Variants in NXPH2 observed in about 807,000 individuals in gnomAD.
NXPH2 encodes the protein neurexophilin 2.
NXPH2 carries 5 observed loss-of-function variants against 19.8 expected under a neutral mutation model. That is an observed-to-expected ratio of 0.25 (90% CI 0.13 to 0.53). The LOEUF (loss-of-function observed/expected upper bound fraction) is 0.53. Among genes scored for constraint, NXPH2 ranks in the 20% least tolerant of loss-of-function variants. The pLI is 0.96. For missense variants in NXPH2, 289 were observed against 322.8 expected, an observed-to-expected ratio of 0.90 and a Z score of 0.80; for synonymous variants, 154 against 127.4, an observed-to-expected ratio of 1.21 and a Z score of -1.41.
At chr2:138,689,142 A>G (rs991193368) in intron 1 of NXPH2, among the ~76,000 whole-genome samples, 1 of 152,168 alleles carries the variant, frequency 6.6e-6, no homozygotes, top group African/African-American at 2.4e-5. Flanking sequence ...TACCCAAACG[A>G]CCATATCATG....
intron 1 of NXPH2, among the ~76,000 whole-genome samples, chr2:138,685,766 A>G (rs1403522802): frequency 1.3e-5 from 2 of 152,232 alleles, no homozygotes; most frequent in Non-Finnish European, 2.9e-5. Context: ...AGCTGGGGAC[A>G]ATCTATATAA....
At chr2:138,777,119 C>CA (rs1294420405) in intron 1 of NXPH2, among the ~76,000 whole-genome samples, 1 of 151,700 alleles carries the variant, frequency 6.6e-6, no homozygotes, top group African/African-American at 2.4e-5. Context: ...TACTTAAAGG[C>CA]AAAAAATCAC....
Position 138,670,886 on chromosome 2 carries a change from A to G in NXPH2, c.*36T>C. 1 of 1,572,712 alleles carries G rather than the reference A, an allele frequency of 6.4e-7. No homozygotes were observed. Among genetic ancestry groups the G allele is most frequent in the Non-Finnish European group, 8.6e-7 (1 of 1,158,576 alleles). On this transcript the variant is annotated 3_prime_UTR_variant, in exon 2 of 2. Coordinates refer to ENST00000272641, the MANE Select transcript of NXPH2 (RefSeq NM_007226.3). ...TGTTTCTTTGTCATTCTAATCAAAT[A>G]CATATGTATCCCTCATTTCCACCAC...
chr2:138,743,096 C>T (rs1408223405), intron 1 of NXPH2, among the ~76,000 whole-genome samples: 1 of 152,172 alleles, frequency 6.6e-6, no homozygotes, highest in African/African-American at 2.4e-5. Context: ...AAAGCAATCA[C>T]AAATGTATTT....
intron 1 of NXPH2, among the ~76,000 whole-genome samples, chr2:138,745,493 CG>C (rs56011084): frequency 0.098 from 8,811 of 89,568 alleles, 484 homozygotes; most frequent in African/African-American, 0.23. Context: ...CTTTTTTTGG[CG>C]GGGGGGGGGG....
chr2:138,738,583 A>T (rs1278464069), intron 1 of NXPH2, among the ~76,000 whole-genome samples: 1 of 152,192 alleles, frequency 6.6e-6, no homozygotes, highest in Non-Finnish European at 1.5e-5. Flanking sequence ...AGATTTCCTC[A>T]ATCACTTCAA....
intron 1 of NXPH2, among the ~76,000 whole-genome samples, chr2:138,751,995 A>C (rs760616566): frequency 6.6e-6 from 1 of 152,194 alleles, no homozygotes; most frequent in Non-Finnish European, 1.5e-5. Context: ...TGGTTTCAAA[A>C]ATACATTGAA....
At chr2:138,741,587 G>A (rs1681643428) in intron 1 of NXPH2, among the ~76,000 whole-genome samples, 1 of 152,158 alleles carries the variant, frequency 6.6e-6, no homozygotes, top group African/African-American at 2.4e-5. Context: ...GTCTGCAGAA[G>A]TAGTTCTACT....
chr2:138,746,248 C>CCATCAAT (rs1489428664), intron 1 of NXPH2, among the ~76,000 whole-genome samples: 2 of 152,214 alleles, frequency 1.3e-5, no homozygotes, highest in African/African-American at 4.8e-5. Flanking sequence ...TTCACAGCTC[C>CCATCAAT]CATCAATCCC....
chr2:138,749,856 C>G (rs75219516), intron 1 of NXPH2, among the ~76,000 whole-genome samples: 3 of 152,068 alleles, frequency 2.0e-5, no homozygotes, highest in African/African-American at 7.2e-5. Flanking sequence ...CCAATGCAAG[C>G]GTTTCCTAGT....
chr2:138,740,180 T>C (rs774762426), intron 1 of NXPH2, among the ~76,000 whole-genome samples: 17 of 152,124 alleles, frequency 1.1e-4, no homozygotes, highest in Non-Finnish European at 1.8e-4. Flanking sequence ...ACTATGATGA[T>C]GGAGTAGAAA....
chr2:138,707,239 A>G (rs1681031474), intron 1 of NXPH2, among the ~76,000 whole-genome samples: 1 of 152,114 alleles, frequency 6.6e-6, no homozygotes, highest in South Asian at 2.1e-4. Context: ...TATTGTTATA[A>G]CCAATCAGAA....
chr2:138,764,344 T>C (rs1011059209), intron 1 of NXPH2, among the ~76,000 whole-genome samples: 1 of 152,158 alleles, frequency 6.6e-6, no homozygotes, highest in South Asian at 2.1e-4. Flanking sequence ...ACCTGGTGCT[T>C]TGGTTCCAGC....
At chr2:138,680,845 G>T (rs1481220991) in intron 1 of NXPH2, among the ~76,000 whole-genome samples, 1 of 152,168 alleles carries the variant, frequency 6.6e-6, no homozygotes, top group Non-Finnish European at 1.5e-5. Context: ...ATTGTATATT[G>T]ATTTGTTTAT....
At chr2:138,761,178 A>G (rs1682009219) in intron 1 of NXPH2, among the ~76,000 whole-genome samples, 1 of 152,164 alleles carries the variant, frequency 6.6e-6, no homozygotes, top group Non-Finnish European at 1.5e-5. Context: ...TCACTTGAGC[A>G]TATCCAGTCC....
chr2:138,705,053 C>T (rs1394002813), intron 1 of NXPH2, among the ~76,000 whole-genome samples: 1 of 152,148 alleles, frequency 6.6e-6, no homozygotes, highest in Non-Finnish European at 1.5e-5. Context: ...TCTCAAACTC[C>T]TGACCTCAGG....
chr2:138,699,963 C>T (rs530832198), intron 1 of NXPH2, among the ~76,000 whole-genome samples: 3 of 152,146 alleles, frequency 2.0e-5, no homozygotes, highest in African/African-American at 4.8e-5. Context: ...AACATTGTTC[C>T]GTTCAGGTGC....
intron 1 of NXPH2, among the ~76,000 whole-genome samples, chr2:138,766,565 A>C (rs1302995954): frequency 6.6e-6 from 1 of 152,148 alleles, no homozygotes; most frequent in Non-Finnish European, 1.5e-5. Flanking sequence ...AAATGACAAC[A>C]GTTCTGAGGT....
rs2104961752 is a variant in NXPH2, at chr2:138,669,608, A to C, written c.*1314T>G. On this transcript the variant is annotated 3_prime_UTR_variant, in exon 2 of 2. Transcript: ENST00000272641. ...ATTAATATTTTACAGATAAGAAGGG[A>C]GAAAGAAGTTAACATCTATTGTAAA... Among the ~76,000 whole-genome samples the C allele has an allele frequency of 6.6e-6, 1 of 152,280 alleles. No individual in the cohort carries two copies. Among genetic ancestry groups the C allele is most frequent in the African/African-American group, 2.4e-5 (1 of 41,558 alleles).
Sources: gnomAD v4.1 joint callset for allele counts (sites outside exome capture counted in the v4.1 genomes callset) on GRCh38, gnomAD v4.1.1 for gene constraint, MANE v1.5 for transcripts, NCBI Gene and HGNC (gene_info 2026-07-23, HGNC 2026-07-21) for gene names.